PECR: variants seen among roughly 807,000 people sequenced by gnomAD.
The protein encoded by PECR is 2,4-dienoyl-CoA reductase-related protein.
A neutral mutation model predicts 35.3 loss-of-function variants in PECR; 30 were observed. That is an observed-to-expected ratio of 0.85 (90% CI 0.64 to 1.15). The LOEUF (loss-of-function observed/expected upper bound fraction) is 1.15, where lower values mean the gene tolerates loss of function less well. PECR is among the 50% of genes most tolerant of loss of function. The pLI, the probability that PECR is intolerant of heterozygous loss-of-function variation, is 0.00. For synonymous variants in PECR, 148 were observed against 138.9 expected (o/e 1.07, Z -0.46); for missense variants, 392 against 370.8 (o/e 1.06, Z -0.47).
At chr2:216,031,691 G>GAAAGAAAGAGAAAGAAAGAA (rs1473248845) in intron 7 of PECR, among the ~76,000 whole-genome samples, 2 of 61,102 alleles carry the variant, frequency 3.3e-5, no homozygotes, top group African/African-American at 1.2e-4. Context: ...AAGAAAGAAA[G>GAAAGAAAGAGAAAGAAAGAA]AGAAAGAAAG....
intron 6 of PECR, among the ~76,000 whole-genome samples, chr2:216,047,588 TCTA>T (rs1300665761): frequency 3.3e-5 from 5 of 152,220 alleles, no homozygotes; most frequent in African/African-American, 4.8e-5. Flanking sequence ...TCTGTTCTGT[TCTA>T]CTATTTTTAA....
chr2:216,054,088 C>T (rs1489018006), intron 4 of PECR, among the ~76,000 whole-genome samples: 2 of 151,742 alleles, frequency 1.3e-5, no homozygotes, highest in African/African-American at 2.4e-5. Flanking sequence ...AGTTCGAGAC[C>T]AGCCTGGCCA....
At chr2:216,046,381 G>C (rs1442719247) in intron 6 of PECR, among the ~76,000 whole-genome samples, 3 of 138,170 alleles carry the variant, frequency 2.2e-5, no homozygotes, top group Non-Finnish European at 4.5e-5. Flanking sequence ...CGCAATCTCT[G>C]CTCACTGCAA....
chr2:216,066,282 T>C, intron 2 of PECR, 103 bp downstream of exon 2: 2 of 973,694 alleles, frequency 2.1e-6, no homozygotes, highest in South Asian at 2.6e-5. Flanking sequence ...GTGAGCCTCA[T>C]CTAAGACAGC....
At chr2:216,049,157 C>T (rs2105948770) in intron 6 of PECR, 106 bp downstream of exon 6, 1 of 767,010 alleles carries the variant, frequency 1.3e-6, no homozygotes, top group East Asian at 2.5e-5. Context: ...GTTCTGCTGG[C>T]AGTGGGAGAA....
chr2:216,031,477 G>A (rs1455810826), intron 7 of PECR, among the ~76,000 whole-genome samples: 2 of 116,180 alleles, frequency 1.7e-5, no homozygotes, highest in South Asian at 2.5e-4. Flanking sequence ...GAAAGAAAGA[G>A]AAAGAAAGAA....
chr2:216,048,656 G>A (rs1695042910), intron 6 of PECR, among the ~76,000 whole-genome samples: 1 of 151,774 alleles, frequency 6.6e-6, no homozygotes, highest in Non-Finnish European at 1.5e-5. Context: ...GTTCCAGTGG[G>A]CCAAGATCGC....
chr2:216,040,634 C>T (rs76409267), intron 7 of PECR, among the ~76,000 whole-genome samples: 20,719 of 152,074 alleles, frequency 0.14, 1,728 homozygotes, highest in South Asian at 0.23. Context: ...TTTGGGAGGC[C>T]GAGGCAGGCG....
At chr2:216,047,023 T>C (rs1695009349) in intron 6 of PECR, among the ~76,000 whole-genome samples, 1 of 152,118 alleles carries the variant, frequency 6.6e-6, no homozygotes, top group East Asian at 1.9e-4. Context: ...ATCCCAGCAC[T>C]TTGGGAGGTT....
At chr2:216,031,013 T>G (rs12467676) in intron 7 of PECR, among the ~76,000 whole-genome samples, 95,327 of 149,760 alleles carry the variant, frequency 0.64, 30,610 homozygotes, top group Admixed American at 0.69. Flanking sequence ...CTGCTCTCTC[T>G]CTCTCATTTG....
intron 7 of PECR, among the ~76,000 whole-genome samples, chr2:216,029,468 T>TC (rs5838566): frequency 0.64 from 97,819 of 151,996 alleles, 31,708 homozygotes; most frequent in Admixed American, 0.7. Flanking sequence ...AGAGTGAGAC[T>TC]CCATCTCAAA....
At chr2:216,061,012 G>A (rs1695333892) in intron 3 of PECR, among the ~76,000 whole-genome samples, 2 of 151,540 alleles carry the variant, frequency 1.3e-5, no homozygotes, top group Non-Finnish European at 2.9e-5. Flanking sequence ...AATGGAATGA[G>A]CCGGGAGCAG....
intron 4 of PECR, among the ~76,000 whole-genome samples, chr2:216,052,226 A>T (rs1695129751): frequency 6.6e-6 from 1 of 151,972 alleles, no homozygotes; most frequent in African/African-American, 2.4e-5. Flanking sequence ...GATAGACACC[A>T]TGGCTTAGAA....
At chr2:216,077,161 G>A (rs1042247951) in intron 1 of PECR, among the ~76,000 whole-genome samples, 1 of 150,548 alleles carries the variant, frequency 6.6e-6, no homozygotes, top group African/African-American at 2.4e-5. Context: ...GCCTCCCAAA[G>A]TGCTGGGATT....
At chr2:216,046,310 A>ATATATATTT (rs1553560626) in intron 6 of PECR, among the ~76,000 whole-genome samples, 35 of 96,956 alleles carry the variant, frequency 3.6e-4, no homozygotes, top group Middle Eastern at 6.0e-3. Flanking sequence ...ATATATATAT[A>ATATATATTT]TTTTTTTTTT....
At chr2:216,068,389 GA>G (rs934418319) in intron 1 of PECR, among the ~76,000 whole-genome samples, 1 of 152,096 alleles carries the variant, frequency 6.6e-6, no homozygotes, top group Non-Finnish European at 1.5e-5. Flanking sequence ...ATGCAAGCCA[GA>G]AGACACTGAA....
intron 1 of PECR, among the ~76,000 whole-genome samples, chr2:216,077,325 T>C (rs1376272471): frequency 6.7e-5 from 5 of 75,024 alleles, no homozygotes; most frequent in Non-Finnish European, 1.3e-4. Context: ...GCTAACACGG[T>C]GAAACCCCCG....
At chr2:216,072,398 C>T (rs2105967308) in intron 1 of PECR, among the ~76,000 whole-genome samples, 1 of 152,258 alleles carries the variant, frequency 6.6e-6, no homozygotes, top group Middle Eastern at 3.4e-3. Flanking sequence ...TATTTTATTT[C>T]TTATCTTTAT....
intron 1 of PECR, 82 bp downstream of exon 1, chr2:216,081,536 C>G (rs1429229355): frequency 5.7e-6 from 9 of 1,568,666 alleles, no homozygotes; most frequent in South Asian, 1.1e-5. Context: ...CCCTCAGCCC[C>G]GCCGAGAGCT....
Sources: gnomAD v4.1 joint callset for allele counts (sites outside exome capture counted in the v4.1 genomes callset) on GRCh38, gnomAD v4.1.1 for gene constraint, MANE v1.5 for transcripts, NCBI Gene and HGNC (gene_info 2026-07-23, HGNC 2026-07-21) for gene names.